CNTN4: variants seen among roughly 807,000 people sequenced by gnomAD.
The protein encoded by CNTN4 is contactin-4.
A neutral mutation model predicts 122.5 loss-of-function variants in CNTN4; 77 were observed. The observed-to-expected ratio is 0.63, with a 90% CI of 0.52 to 0.76. CNTN4 has a LOEUF of 0.76. CNTN4 is among the 30% of genes least tolerant of loss of function. The pLI, the probability that CNTN4 is intolerant of heterozygous loss-of-function variation, is 0.00. For missense variants in CNTN4, 1,256 were observed against 1,259.1 expected (o/e 1.00, Z 0.04); for synonymous variants, 512 against 447.0 (o/e 1.15, Z -1.83).
At chr3:2,495,062 A>G (rs1355154405) in intron 3 of CNTN4, among the ~76,000 whole-genome samples, 2 of 152,184 alleles carry the variant, frequency 1.3e-5, no homozygotes, top group African/African-American at 4.8e-5. Context: ...AAATAGGAAG[A>G]TGATATTTAT....
At position 2,129,166 on chromosome 3, in the gene CNTN4, TAACA is replaced by T. The variant is rs200660909; in HGVS notation, c.-145+28528_-145+28531del. On this transcript the variant is annotated intron_variant, in intron 2 of 24. Transcript: ENST00000418658. ...TATGAAGCTAACATTTCCTGAGCTT[TAACA>T]TTTTTCATTTGTTATTATTTTTTGA... Among the ~76,000 whole-genome samples, 710 of 151,336 alleles carry T rather than the reference TAACA, an allele frequency of 4.7e-3. 3 individuals are homozygous for T. The highest frequency in any genetic ancestry group is 0.018 in the East Asian group (90 of 5,070).
At position 2,279,071 on chromosome 3, in the gene CNTN4, A is replaced by G. The variant is rs572158236; in HGVS notation, c.-144-60107A>G. Reference sequence around the variant, plus strand: ...AGATTACCTTCCACATAAGCTTAATACCTGGCCTAAGTGGCTTGCTCACGT... The same window carrying G: ...AGATTACCTTCCACATAAGCTTAATGCCTGGCCTAAGTGGCTTGCTCACGT... On this transcript the variant is annotated intron_variant, in intron 2 of 24. Transcript: ENST00000418658. Among the ~76,000 whole-genome samples, 209 of 152,074 alleles carry G rather than the reference A, an allele frequency of 1.4e-3. 3 individuals carry two copies. Among genetic ancestry groups the G allele is most frequent in the African/African-American group, 4.9e-3 (203 of 41,358 alleles).
intron 6 of CNTN4, among the ~76,000 whole-genome samples, chr3:2,762,574 C>G (rs951307663): frequency 6.6e-6 from 1 of 152,152 alleles, no homozygotes; most frequent in Admixed American, 6.5e-5. Flanking sequence ...ATCAGTCTAT[C>G]ATTGATGCGC....
At chr3:2,899,175 G>T (rs184854929) in intron 10 of CNTN4, among the ~76,000 whole-genome samples, 1 of 152,336 alleles carries the variant, frequency 6.6e-6, no homozygotes, top group East Asian at 1.9e-4. Context: ...AGGGCCTAGA[G>T]ACCTCTGCTG....
intron 2 of CNTN4, among the ~76,000 whole-genome samples, chr3:2,236,290 C>T (rs2039679014): frequency 6.6e-6 from 1 of 152,122 alleles, no homozygotes; most frequent in Admixed American, 6.5e-5. Context: ...GCAATGAAAC[C>T]ACAGGCCACC....
intron 2 of CNTN4, among the ~76,000 whole-genome samples, chr3:2,120,368 TATATAA>T (rs1473194037): frequency 1.8e-4 from 9 of 49,186 alleles, no homozygotes; most frequent in South Asian, 4.9e-4. Context: ...TATATATATA[TATATAA>T]ATATATATAT....
intron 17 of CNTN4, 56 bp from the exon 18 acceptor site, chr3:3,037,123 C>T: frequency 1.3e-6 from 2 of 1,585,568 alleles, no homozygotes; most frequent in Non-Finnish European, 1.7e-6. Flanking sequence ...AACGTAATCT[C>T]TGCATTTGTT....
intron 14 of CNTN4, among the ~76,000 whole-genome samples, chr3:3,015,545 A>T (rs1574829249): frequency 6.6e-6 from 1 of 152,246 alleles, no homozygotes; most frequent in Non-Finnish European, 1.5e-5. Flanking sequence ...GCTTTAGAAT[A>T]TGCGAATTAT....
intron 2 of CNTN4, among the ~76,000 whole-genome samples, chr3:2,195,118 C>T (rs140972465): frequency 6.6e-6 from 1 of 152,316 alleles, no homozygotes; most frequent in Non-Finnish European, 1.5e-5. Flanking sequence ...CTTATACTCT[C>T]TGCTTCTGTG....
chr3:2,216,365 A>T (rs1295582371), intron 2 of CNTN4, among the ~76,000 whole-genome samples: 1 of 152,128 alleles, frequency 6.6e-6, no homozygotes, highest in African/African-American at 2.4e-5. Context: ...TGTGGAAACA[A>T]CAGACACTTG....
intron 2 of CNTN4, among the ~76,000 whole-genome samples, chr3:2,276,079 C>T (rs749885295): frequency 2.6e-5 from 4 of 151,712 alleles, no homozygotes; most frequent in Non-Finnish European, 2.9e-5. Context: ...ATTGAAAAAA[C>T]GTATATATGC....
chr3:2,162,305 T>C (rs2035999634), intron 2 of CNTN4, among the ~76,000 whole-genome samples: 1 of 152,256 alleles, frequency 6.6e-6, no homozygotes, highest in Admixed American at 6.5e-5. Flanking sequence ...TAATTTCTTA[T>C]GAATGTTCTC....
intron 3 of CNTN4, among the ~76,000 whole-genome samples, chr3:2,503,145 A>G (rs909056191): frequency 6.6e-6 from 1 of 152,146 alleles, no homozygotes; most frequent in Non-Finnish European, 1.5e-5. Context: ...TATCATTTGA[A>G]CTCAAGATAT....
chr3:2,431,537 A>G (rs1442922119), intron 3 of CNTN4, among the ~76,000 whole-genome samples: 3 of 152,122 alleles, frequency 2.0e-5, no homozygotes, highest in African/African-American at 7.2e-5. Flanking sequence ...ATTGTGTGTA[A>G]TTGACTTTTT....
At chr3:3,009,053 C>T (rs958668959) in intron 14 of CNTN4, 4 of 984,964 alleles carry the variant, frequency 4.1e-6, no homozygotes, top group Middle Eastern at 5.2e-4. Flanking sequence ...GCACAGTGAG[C>T]AAGTGGCAAG....
intron 13 of CNTN4, among the ~76,000 whole-genome samples, chr3:2,966,818 T>G (rs1692360745): frequency 3.3e-5 from 5 of 152,224 alleles, no homozygotes; most frequent in Admixed American, 6.5e-5. Flanking sequence ...AGGCATTGTA[T>G]CTTCTCTACA....
At chr3:2,288,623 A>T (rs1373503473) in intron 2 of CNTN4, among the ~76,000 whole-genome samples, 2 of 152,172 alleles carry the variant, frequency 1.3e-5, no homozygotes, top group Non-Finnish European at 2.9e-5. Context: ...AAAGATTGCA[A>T]CACACTGAGA....
At chr3:2,666,985 T>A (rs1193547371) in intron 4 of CNTN4, among the ~76,000 whole-genome samples, 1 of 152,122 alleles carries the variant, frequency 6.6e-6, no homozygotes, top group Non-Finnish European at 1.5e-5. Flanking sequence ...TAATCCACTC[T>A]ATCATTGATG....
intron 3 of CNTN4, among the ~76,000 whole-genome samples, chr3:2,488,319 T>C (rs1442485251): frequency 1.3e-5 from 2 of 152,184 alleles, no homozygotes; most frequent in East Asian, 3.8e-4. Flanking sequence ...GCTGGAGCCA[T>C]TGTCTGTATG....
Sources: gnomAD v4.1 joint callset for allele counts (sites outside exome capture counted in the v4.1 genomes callset) on GRCh38, gnomAD v4.1.1 for gene constraint, MANE v1.5 for transcripts, NCBI Gene and HGNC (gene_info 2026-07-23, HGNC 2026-07-21) for gene names.